Variants in SLC35F4 observed in about 807,000 individuals in gnomAD.
SLC35F4 encodes chromosome 14 open reading frame 36.
Under a neutral mutation model 44.2 loss-of-function variants are expected in SLC35F4, and 24 were observed. The ratio of observed to expected loss-of-function variants is 0.54; its 90% CI spans 0.39 to 0.76. The LOEUF (loss-of-function observed/expected upper bound fraction) is 0.76. SLC35F4 is among the 30% of genes least tolerant of loss of function. The probability of loss-of-function intolerance (pLI) is 0.00; values close to 1 mark genes in which losing one functional copy is unlikely to be tolerated. For synonymous variants in SLC35F4, 238 were observed against 223.6 expected (o/e 1.06, Z -0.57); for missense variants, 562 against 586.1 (o/e 0.96, Z 0.42).
intron 1 of SLC35F4, among the ~76,000 whole-genome samples, chr14:57,947,605 A>G (rs376396775): frequency 1.3e-5 from 2 of 152,012 alleles, no homozygotes; most frequent in African/African-American, 4.8e-5. Flanking sequence ...GACTTGTTCC[A>G]GTTCTTGGGG....
At chr14:57,712,551 G>C (rs1325691949) in intron 1 of SLC35F4, among the ~76,000 whole-genome samples, 1 of 152,130 alleles carries the variant, frequency 6.6e-6, no homozygotes, top group African/African-American at 2.4e-5. Flanking sequence ...TTTTCTATGT[G>C]AAGTCTCATT....
intron 1 of SLC35F4, among the ~76,000 whole-genome samples, chr14:57,865,077 C>T (rs541803955): frequency 4.3e-4 from 65 of 151,918 alleles, no homozygotes; most frequent in African/African-American, 1.4e-3. Context: ...CCCCACGCCC[C>T]CAGTCTTTTG....
intron 1 of SLC35F4, among the ~76,000 whole-genome samples, chr14:57,750,754 C>T (rs1012008749): frequency 1.4e-5 from 2 of 146,898 alleles, no homozygotes; most frequent in East Asian, 2.0e-4. Flanking sequence ...GTTGTTGTTG[C>T]TGAGTTGTTT....
chr14:57,747,540 C>A (rs1311709176), intron 1 of SLC35F4, among the ~76,000 whole-genome samples: 1 of 152,110 alleles, frequency 6.6e-6, no homozygotes, highest in Non-Finnish European at 1.5e-5. Flanking sequence ...CCATCCAGCT[C>A]CAACAATTGG....
At chr14:57,652,460 C>A (rs2073816772) in intron 1 of SLC35F4, among the ~76,000 whole-genome samples, 1 of 152,128 alleles carries the variant, frequency 6.6e-6, no homozygotes, top group African/African-American at 2.4e-5. Flanking sequence ...TTCTCTCATT[C>A]AGATCAGTGG....
At chr14:57,964,983 A>ATATAT (rs1555331511) in intron 1 of SLC35F4, among the ~76,000 whole-genome samples, 1 of 132,786 alleles carries the variant, frequency 7.5e-6, no homozygotes, top group East Asian at 2.3e-4. Context: ...GGAAAAAAAA[A>ATATAT]AAAAAAAAAT....
intron 1 of SLC35F4, among the ~76,000 whole-genome samples, chr14:57,767,707 TAAG>T (rs1342048230): frequency 6.6e-6 from 1 of 151,504 alleles, no homozygotes; most frequent in Non-Finnish European, 1.5e-5. Flanking sequence ...AGGTAAATAA[TAAG>T]AATCAATTGA....
intron 3 of SLC35F4, among the ~76,000 whole-genome samples, chr14:57,586,562 C>CA (rs1566649078): frequency 1.3e-5 from 2 of 150,828 alleles, no homozygotes; most frequent in African/African-American, 4.9e-5. Context: ...CTAAAAAATA[C>CA]AAAAAATTAG....
At chr14:57,635,582 C>A (rs1385761986) in intron 1 of SLC35F4, among the ~76,000 whole-genome samples, 4 of 152,020 alleles carry the variant, frequency 2.6e-5, no homozygotes, top group Non-Finnish European at 5.9e-5. Flanking sequence ...ACAGGAGGAA[C>A]CAGCACTGAG....
At chr14:57,874,200 G>C (rs972467577) in intron 1 of SLC35F4, among the ~76,000 whole-genome samples, 1 of 152,104 alleles carries the variant, frequency 6.6e-6, no homozygotes, top group Admixed American at 6.6e-5. Context: ...TCTCTGGGAA[G>C]GCTTCTCTGC....
chr14:57,870,926 C>T (rs1056739367), upstream of SLC35F4, among the ~76,000 whole-genome samples: 6 of 152,182 alleles, frequency 3.9e-5, no homozygotes, highest in Non-Finnish European at 4.4e-5. Context: ...AAGTTCAGTG[C>T]TTTGCAGAAA....
chr14:57,645,850 C>G (rs973309031), intron 1 of SLC35F4, among the ~76,000 whole-genome samples: 2 of 151,700 alleles, frequency 1.3e-5, no homozygotes, highest in African/African-American at 4.8e-5. Context: ...TGAATTTTGT[C>G]AAAGGCCTTT....
intron 1 of SLC35F4, among the ~76,000 whole-genome samples, chr14:57,956,696 C>T (rs1051229610): frequency 6.6e-6 from 1 of 152,128 alleles, no homozygotes; most frequent in African/African-American, 2.4e-5. Context: ...AAAAAAAGCT[C>T]ACCATCACTG....
chr14:57,868,305 C>T (rs1385448818), upstream of SLC35F4, among the ~76,000 whole-genome samples: 1 of 152,126 alleles, frequency 6.6e-6, no homozygotes, highest in Non-Finnish European at 1.5e-5. Context: ...ATCTAGGCCA[C>T]ACTTTTAATG....
chr14:57,651,236 A>G (rs1430722876), intron 1 of SLC35F4, among the ~76,000 whole-genome samples: 1 of 152,200 alleles, frequency 6.6e-6, no homozygotes, highest in African/African-American at 2.4e-5. Context: ...AAATGAACAA[A>G]TGCTCTGACT....
intron 1 of SLC35F4, among the ~76,000 whole-genome samples, chr14:57,910,534 T>C (rs73298649): frequency 0.16 from 24,055 of 152,076 alleles, 2,228 homozygotes; most frequent in African/African-American, 0.24. Flanking sequence ...CCTGTTGTTC[T>C]AGAATCTTTT....
chr14:57,896,841 A>G (rs1011014328), intron 1 of SLC35F4, among the ~76,000 whole-genome samples: 1 of 151,560 alleles, frequency 6.6e-6, no homozygotes, highest in East Asian at 1.9e-4. Flanking sequence ...ATTAAATTAC[A>G]TAATGTATGT....
intron 1 of SLC35F4, among the ~76,000 whole-genome samples, chr14:57,917,623 G>C (rs531926040): frequency 6.6e-6 from 1 of 152,008 alleles, no homozygotes; most frequent in Non-Finnish European, 1.5e-5. Context: ...GGTAATGTGG[G>C]GGTGGGGTGG....
chr14:57,752,461 C>CT (rs960014911), intron 1 of SLC35F4, among the ~76,000 whole-genome samples: 39 of 148,582 alleles, frequency 2.6e-4, no homozygotes, highest in Admixed American at 1.7e-3. Context: ...TTTTTTTTTT[C>CT]TTTTTTTTCT....
Sources: allele counts gnomAD v4.1 joint callset (sites outside exome capture counted in the v4.1 genomes callset), GRCh38; gene constraint gnomAD v4.1.1; transcripts MANE v1.5; gene names NCBI Gene and HGNC (gene_info 2026-07-23, HGNC 2026-07-21).